TM4SF19: variants seen among roughly 807,000 people sequenced by gnomAD.
TM4SF19 encodes transmembrane 4 L six family member 19, also known as transmembrane 4 L6 family member 19.
Under a neutral mutation model 21.8 loss-of-function variants are expected in TM4SF19, and 17 were observed. The observed-to-expected ratio is 0.78, with a 90% CI of 0.53 to 1.17. The LOEUF is 1.17. Among genes scored for constraint, TM4SF19 ranks in the 50% most tolerant of loss-of-function variants. The probability of loss-of-function intolerance (pLI) is 0.00; values close to 1 mark genes in which losing one functional copy is unlikely to be tolerated. For synonymous variants in TM4SF19, 107 were observed against 106.7 expected (o/e 1.00, Z -0.02); for missense variants, 216 against 252.1 (o/e 0.86, Z 0.97).
At chr3:196,336,352 G>C (rs1727762049) in intron 1 of TM4SF19, among the ~76,000 whole-genome samples, 3 of 152,122 alleles carry the variant, frequency 2.0e-5, no homozygotes, top group African/African-American at 7.2e-5. Flanking sequence ...TAGCCACGCT[G>C]GTCTTGAACT....
chr3:196,326,931 A>C (rs773568487), intron 3 of TM4SF19, 24 bp downstream of exon 3: 2 of 1,592,548 alleles, frequency 1.3e-6, no homozygotes, highest in South Asian at 2.2e-5. Flanking sequence ...TCTGGGTGTT[A>C]GAAGAGTGGA....
chr3:196,324,527 G>A (rs1296916917), intron 3 of TM4SF19, 87 bp from the exon 4 acceptor site: 1 of 1,464,326 alleles, frequency 6.8e-7, no homozygotes, highest in Admixed American at 1.9e-5. Flanking sequence ...CTAAGACGGG[G>A]TCGCAGCTGG....
Position 196,327,577 on chromosome 3 carries a change from G to A in TM4SF19, c.14C>T (p.Pro5Leu). 1.9e-6 allele frequency: 3 copies of A among 1,613,534 alleles called. No homozygotes were observed. The highest frequency in any genetic ancestry group is 1.7e-4 in the Middle Eastern group (1 of 5,814). The change falls in exon 2 of 5, where the codon CCC becomes CTC. Residue 5 changes from proline to leucine, a missense_variant. Coordinates refer to ENST00000273695, the MANE Select transcript of TM4SF19 (RefSeq NM_138461.4). ...AGTCCGTGAGCTTGCCTGCGTGCAGGGAGAGGACACCATCCTGGAACAGAT... is the reference window on the plus strand; with the variant it reads ...AGTCCGTGAGCTTGCCTGCGTGCAGAGAGAGGACACCATCCTGGAACAGAT... Reference protein sequence around the residue: MVSSPCTQASSRTCS... With the variant: MVSSLCTQASSRTCS...
chr3:196,324,327 G>A lies in TM4SF19; in HGVS notation c.393C>T (p.Ser131=). Residue 131 remains serine (S), a synonymous_variant, in exon 4 of 5, where the codon TCC becomes TCT. Coordinates refer to ENST00000273695, the MANE Select transcript of TM4SF19 (RefSeq NM_138461.4). ...ATTTCCAAGCTTGTGTCTGATTGAA[G>A]GATGAAACATCAAACATGCAAAAAG... is the stretch of plus-strand genomic sequence containing the variant. ...DGPFCMFDVS[S]FNQTQAWKYG... 1 of 1,614,112 alleles carries A rather than the reference G, an allele frequency of 6.2e-7. No individual in the cohort carries two copies. The highest frequency in any genetic ancestry group is 8.5e-7 in the Non-Finnish European group (1 of 1,180,028).
intron 3 of TM4SF19, among the ~76,000 whole-genome samples, chr3:196,326,265 G>A (rs1402796099): frequency 2.0e-5 from 3 of 152,122 alleles, no homozygotes; most frequent in African/African-American, 4.8e-5. Flanking sequence ...GTGAGCCACC[G>A]CGCCTGGCCT....
rs555140949 is a variant in TM4SF19 at position 196,324,593 on chromosome 3, G to A, written c.280-153C>T. ...ACTTCTCTGGTCTCAGTGTTCTTCC[G>A]TCCTGTCATGGGGGAGAATTCTGTC... On this transcript the variant is annotated intron_variant, in intron 3 of 4. Transcript: ENST00000273695. 73 of 701,028 alleles carry A rather than the reference G, an allele frequency of 1.0e-4. No individual in the cohort carries two copies. In the African/African-American group the frequency reaches 1.0e-3, roughly 10 times the overall value. 43.4% of individuals were successfully genotyped at this position (701,028 alleles called of 1,614,324 possible).
intron 2 of TM4SF19, 55 bp downstream of exon 2, chr3:196,327,335 G>C: frequency 1.3e-6 from 2 of 1,549,058 alleles, no homozygotes; most frequent in Non-Finnish European, 1.8e-6. Flanking sequence ...CCACCTTCCT[G>C]CTCCCCGCCG....
At chr3:196,327,683 C>G in intron 1 of TM4SF19, 92 bp from the exon 2 acceptor site, 1 of 1,090,304 alleles carries the variant, frequency 9.2e-7, no homozygotes, top group Non-Finnish European at 1.4e-6. Context: ...GGGAAACAGA[C>G]TACAGAAACC....
intron 1 of TM4SF19, among the ~76,000 whole-genome samples, chr3:196,328,875 C>T (rs901612326): frequency 6.6e-6 from 1 of 152,072 alleles, no homozygotes. Flanking sequence ...ACTGAAGCCA[C>T]GCGTAAGGAA....
intron 1 of TM4SF19, among the ~76,000 whole-genome samples, chr3:196,335,745 T>C (rs1159605383): frequency 6.6e-6 from 1 of 152,022 alleles, no homozygotes; most frequent in African/African-American, 2.4e-5. Context: ...CCTCACAGCC[T>C]GCCCACACTG....
At chr3:196,330,201 C>T (rs1727454260) in intron 1 of TM4SF19, among the ~76,000 whole-genome samples, 1 of 152,050 alleles carries the variant, frequency 6.6e-6, no homozygotes, top group South Asian at 2.1e-4. Context: ...TGGTCTTCAA[C>T]TCCTGGACTC....
intron 1 of TM4SF19, among the ~76,000 whole-genome samples, chr3:196,331,781 C>A (rs903662593): frequency 5.9e-5 from 9 of 151,828 alleles, no homozygotes; most frequent in Admixed American, 5.2e-4. Flanking sequence ...GAGTGAAACT[C>A]CGTCTCAGAA....
chr3:196,324,073 T>C (rs761858246), intron 4 of TM4SF19, 76 bp from the exon 5 acceptor site: 90 of 1,558,754 alleles, frequency 5.8e-5, no homozygotes, highest in Admixed American at 1.3e-4. Context: ...AGTAGAAAAC[T>C]GGGGTCTCCC....
intron 1 of TM4SF19, among the ~76,000 whole-genome samples, chr3:196,337,056 T>C: frequency 9.7e-6 from 1 of 102,690 alleles, no homozygotes; most frequent in African/African-American, 3.2e-5. Context: ...CAATTCTTTT[T>C]TTTTTTTTTT....
In TM4SF19 at chr3:196,325,478, G is replaced by C. The variant is rs1420878991; in HGVS notation, c.280-1038C>G. The C allele has an allele frequency of 5.3e-5, 8 of 152,236 alleles. No homozygotes were observed. Among genetic ancestry groups the C allele is most frequent in the African/African-American group, 1.9e-4 (8 of 41,424 alleles). 9.4% of individuals were successfully genotyped at this position (152,236 alleles called of 1,614,324 possible). A position where few individuals can be genotyped will look rare whatever the true frequency, so the allele number is the denominator to read the frequency against. On this transcript the variant is annotated intron_variant, in intron 3 of 4. Transcript: ENST00000273695. The surrounding 1 kb of genome is among the most constrained non-coding windows in gnomAD (Gnocchi z 4.3). ...GCCTCCCAAAGTGCTGGGATTACAG[G>C]CATGAGCCACCGTGCCCGGCCCATA...
chr3:196,335,739 A>G (rs953338985), intron 1 of TM4SF19, among the ~76,000 whole-genome samples: 8 of 151,980 alleles, frequency 5.3e-5, no homozygotes, highest in Non-Finnish European at 2.9e-5. Flanking sequence ...CGGCCCCCTC[A>G]CAGCCTGCCC....
At chr3:196,337,408 A>C (rs1483752321) in intron 1 of TM4SF19, among the ~76,000 whole-genome samples, 1 of 152,138 alleles carries the variant, frequency 6.6e-6, no homozygotes, top group Non-Finnish European at 1.5e-5. Context: ...TTTCTAAAAT[A>C]ATATTGGTCA....
Position 196,327,413 on chromosome 3 carries a change from C to G in TM4SF19, c.178G>C (p.Gly60Arg), listed in dbSNP as rs181068729. The G allele has an allele frequency of 6.8e-6, 11 of 1,614,126 alleles. No individual in the cohort carries two copies. In the South Asian group the frequency reaches 9.9e-5, roughly 15 times the overall value. The change falls in exon 2 of 5, where the codon GGG becomes CGG. Residue 60 changes from glycine (G) to arginine (R), a missense_variant. Coordinates refer to ENST00000273695, the MANE Select transcript of TM4SF19 (RefSeq NM_138461.4). The stretch of plus-strand genomic sequence containing the variant: ...ACCATGAGGCCTCCTCCCCAGAGCC[C>G]AGTTCCCAGCATGGCATGCCTGCCA... ...LLGRHAMLGT[G>R]LWGGGLMVLT...
At position 196,323,754 on chromosome 3, in the gene TM4SF19, T is replaced by C; in HGVS notation, c.*63A>G. On this transcript the variant is annotated 3_prime_UTR_variant, in exon 5 of 5. Transcript: ENST00000273695. ...GTTTATAATTCGTACCCACTCCTTG[T>C]AGAAAGGATTCAAGACAGCCGATGA... 6.2e-7 allele frequency: 1 copy of C among 1,613,752 alleles called. No homozygotes were observed. Among genetic ancestry groups the C allele is most frequent in the East Asian group, 2.2e-5 (1 of 44,872 alleles).
Sources: allele counts gnomAD v4.1 joint callset (sites outside exome capture counted in the v4.1 genomes callset), GRCh38; gene constraint gnomAD v4.1.1; non-coding constraint Gnocchi (gnomAD v3.1); transcripts MANE v1.5; gene names NCBI Gene and HGNC (gene_info 2026-07-23, HGNC 2026-07-21).